SBF2: variants seen among roughly 807,000 people sequenced by gnomAD.
SBF2 encodes SET binding factor 2.
SBF2 carries 112 observed loss-of-function variants against 225.2 expected under a neutral mutation model. The observed-to-expected ratio is 0.50, with a 90% CI of 0.43 to 0.58. The LOEUF is 0.58. SBF2 is among the 20% of genes least tolerant of loss of function. The pLI is 0.00. For synonymous variants in SBF2, 763 were observed against 773.3 expected, an observed-to-expected ratio of 0.99 and a Z score of 0.22; for missense variants, 1,996 against 2,206.2, an observed-to-expected ratio of 0.90 and a Z score of 1.91.
intron 2 of SBF2, among the ~76,000 whole-genome samples, chr11:10,125,228 G>T (rs1317152550): frequency 1.3e-5 from 2 of 150,864 alleles, no homozygotes; most frequent in Admixed American, 6.6e-5. Context: ...GAAACATACT[G>T]TACATCTCAA....
chr11:10,133,716 T>G (rs1464131148), intron 2 of SBF2, among the ~76,000 whole-genome samples: 1 of 150,656 alleles, frequency 6.6e-6, no homozygotes, highest in Non-Finnish European at 1.5e-5. Context: ...GCTGAGGGAG[T>G]GGGCTCCGGC....
chr11:9,908,634 A>C (rs56138865), intron 16 of SBF2, among the ~76,000 whole-genome samples: 55,559 of 151,900 alleles, frequency 0.37, 11,045 homozygotes, highest in African/African-American at 0.53. Flanking sequence ...CTCAAAAAAA[A>C]AAAGTCTTAT....
chr11:9,960,656 A>AAT (rs139854573), intron 16 of SBF2: 1 of 151,328 alleles, frequency 6.6e-6, no homozygotes, highest in Non-Finnish European at 1.5e-5. Flanking sequence ...ACACTGTCTT[A>AAT]AATAATAATA....
chr11:9,927,981 A>T (rs1247621488), intron 16 of SBF2, among the ~76,000 whole-genome samples: 1 of 145,322 alleles, frequency 6.9e-6, no homozygotes, highest in Non-Finnish European at 1.5e-5. Context: ...GCTGAGATCT[A>T]AATATGAAAC....
chr11:9,866,419 A>T (rs986797073), intron 17 of SBF2, among the ~76,000 whole-genome samples: 3 of 152,224 alleles, frequency 2.0e-5, no homozygotes, highest in African/African-American at 7.2e-5. Context: ...CCATAAATAA[A>T]TCTATGTATG....
At chr11:10,094,528 A>ATTTTTTCTTTTTTTT (rs1951932203) in intron 2 of SBF2, among the ~76,000 whole-genome samples, 1 of 107,300 alleles carries the variant, frequency 9.3e-6, no homozygotes, top group Non-Finnish European at 1.9e-5. Flanking sequence ...ATACACACAG[A>ATTTTTTCTTTTTTTT]TTTTTTTTTT....
intron 2 of SBF2, among the ~76,000 whole-genome samples, chr11:10,153,653 A>G (rs1439907525): frequency 6.6e-6 from 1 of 152,134 alleles, no homozygotes; most frequent in Non-Finnish European, 1.5e-5. Flanking sequence ...AAGTAAGCAG[A>G]AGGAGGAAAA....
chr11:9,807,592 T>G (rs1853924748), intron 32 of SBF2, among the ~76,000 whole-genome samples: 2 of 152,188 alleles, frequency 1.3e-5, no homozygotes, highest in African/African-American at 4.8e-5. Flanking sequence ...CCTGATTATT[T>G]CTCCAGGGGT....
At chr11:9,859,123 T>C (rs1346561670) in intron 17 of SBF2, among the ~76,000 whole-genome samples, 1 of 152,226 alleles carries the variant, frequency 6.6e-6, no homozygotes, top group Non-Finnish European at 1.5e-5. Context: ...GAAAATGAAC[T>C]CTGCAGGCAT....
rs560792478 is a variant in SBF2, at chr11:10,243,792, T to C, written c.56-49805A>G. Among the ~76,000 whole-genome samples the C allele has an allele frequency of 2.6e-5, 4 of 152,100 alleles. No homozygotes were observed. The East Asian group carries it at 7.7e-4, about 29-fold the overall frequency. On this transcript the variant is annotated intron_variant, in intron 1 of 39. Transcript: ENST00000256190. The stretch of plus-strand genomic sequence containing the variant: ...AAAAGACCAATAACAAATACGGAGA[T>C]TGAATCTATAATCAAAAACCAAACA...
At chr11:9,883,204 A>G (rs749204114) in intron 17 of SBF2, among the ~76,000 whole-genome samples, 3 of 152,214 alleles carry the variant, frequency 2.0e-5, no homozygotes, top group Admixed American at 6.5e-5. Context: ...ACCTGGCATC[A>G]AAGATCTGCA....
chr11:10,173,490 C>A (rs118165595), intron 2 of SBF2, among the ~76,000 whole-genome samples: 3,137 of 152,322 alleles, frequency 0.021, 51 homozygotes, highest in Non-Finnish European at 0.033. Context: ...TTATATCCCC[C>A]ACCTGGCTGG....
At chr11:9,886,347 G>T (rs1860299090) in intron 17 of SBF2, among the ~76,000 whole-genome samples, 1 of 152,050 alleles carries the variant, frequency 6.6e-6, no homozygotes, top group Non-Finnish European at 1.5e-5. Context: ...TTATTCCATA[G>T]ATTTTTTTTC....
intron 20 of SBF2, 133 bp downstream of exon 20, chr11:9,853,407 C>A (rs1407633660): frequency 2.5e-6 from 2 of 800,494 alleles, no homozygotes; most frequent in Admixed American, 4.5e-5. Context: ...AATTTAAAAA[C>A]ATTTTAAAAA....
intron 1 of SBF2, among the ~76,000 whole-genome samples, chr11:10,239,676 C>T (rs1387811023): frequency 2.9e-5 from 4 of 137,766 alleles, no homozygotes; most frequent in African/African-American, 5.0e-5. Context: ...AATAAAAATA[C>T]CAACTAATGA....
At chr11:10,071,874 G>C (rs1950895075) in intron 2 of SBF2, among the ~76,000 whole-genome samples, 1 of 152,130 alleles carries the variant, frequency 6.6e-6, no homozygotes, top group Admixed American at 6.5e-5. Flanking sequence ...TAAGCTTTTT[G>C]ATGTGCTGCT....
intron 1 of SBF2, among the ~76,000 whole-genome samples, chr11:10,289,230 C>A (rs934630747): frequency 6.6e-6 from 1 of 152,226 alleles, no homozygotes; most frequent in African/African-American, 2.4e-5. Flanking sequence ...GGATGCCTTC[C>A]CTGGCCCCTG....
intron 32 of SBF2, among the ~76,000 whole-genome samples, chr11:9,806,567 A>G (rs954635025): frequency 6.6e-6 from 1 of 152,210 alleles, no homozygotes; most frequent in African/African-American, 2.4e-5. Flanking sequence ...AAAAGGGCCA[A>G]TATTCAAACA....
intron 16 of SBF2, among the ~76,000 whole-genome samples, chr11:9,937,178 CAT>C (rs2134279984): frequency 6.6e-6 from 1 of 152,270 alleles, no homozygotes; most frequent in Non-Finnish European, 1.5e-5. Context: ...GGGTTTGACA[CAT>C]ATTCAGCACA....
Sources: gnomAD v4.1 joint callset for allele counts (sites outside exome capture counted in the v4.1 genomes callset) on GRCh38, gnomAD v4.1.1 for gene constraint, MANE v1.5 for transcripts, NCBI Gene and HGNC (gene_info 2026-07-23, HGNC 2026-07-21) for gene names.